SNX14: variants seen among roughly 807,000 people sequenced by gnomAD.
The protein encoded by SNX14 is sorting nexin-14.
In SNX14, 93 loss-of-function variants were observed where a neutral mutation model predicts 133.8. The observed-to-expected ratio is 0.70, with a 90% CI of 0.59 to 0.83. The LOEUF (loss-of-function observed/expected upper bound fraction) is 0.83, where lower values mean the gene tolerates loss of function less well. Ranked by LOEUF, SNX14 falls within the 40% of genes least tolerant of loss-of-function variation. The pLI is 0.00. For synonymous variants in SNX14, 368 were observed against 365.6 expected (o/e 1.01, Z -0.07); for missense variants, 945 against 1,094.9 (o/e 0.86, Z 1.93).
At chr6:85,520,957 A>C (rs1776671109) in intron 21 of SNX14, among the ~76,000 whole-genome samples, 2 of 152,224 alleles carry the variant, frequency 1.3e-5, no homozygotes, top group Non-Finnish European at 2.9e-5. Flanking sequence ...TCTCCAAAGT[A>C]TATATCTGAG....
chr6:85,586,895 A>C (rs984964125), intron 1 of SNX14, among the ~76,000 whole-genome samples: 1 of 152,092 alleles, frequency 6.6e-6, no homozygotes, highest in African/African-American at 2.4e-5. Flanking sequence ...AAAACACAAA[A>C]ATTAGCCAGG....
chr6:85,543,193 G>T lies in SNX14; in HGVS notation c.1378C>A (p.His460Asn). 1.3e-6 allele frequency: 2 copies of T among 1,551,480 alleles called. No individual in the cohort carries two copies. The highest frequency in any genetic ancestry group is 1.7e-6 in the Non-Finnish European group (2 of 1,154,296). Residue 460 changes from histidine (H) to asparagine (N), a missense_variant, in exon 14 of 29, where the codon CAT becomes AAT. This residue lies in a region of SNX14 where 514 missense variants were observed against 538.8 expected (regional missense o/e 0.95). Coordinates refer to ENST00000314673, the MANE Select transcript of SNX14 (RefSeq NM_153816.6). ...LENVFTPMFC[H>N]SDEYFRQLLR... is the part of the protein sequence containing the mutation. Reference sequence around the variant, plus strand: ...ATATTTTGACTTACCTCATCACTATGGCAGAACATAGGAGTAAATACATTC... The same window carrying T: ...ATATTTTGACTTACCTCATCACTATTGCAGAACATAGGAGTAAATACATTC...
chr6:85,514,997 G>T (rs983487526), intron 23 of SNX14, among the ~76,000 whole-genome samples: 1 of 152,076 alleles, frequency 6.6e-6, no homozygotes, highest in Non-Finnish European at 1.5e-5. Flanking sequence ...AGGCGCAGTG[G>T]CTCACGCCTG....
intron 6 of SNX14, among the ~76,000 whole-genome samples, chr6:85,561,056 G>A (rs1377849321): frequency 7.1e-6 from 1 of 140,830 alleles, no homozygotes; most frequent in Non-Finnish European, 1.5e-5. Flanking sequence ...AAAAAAGGCT[G>A]GGCACGGTGG....
intron 16 of SNX14, 124 bp downstream of exon 16, chr6:85,538,714 T>C (rs934640164): frequency 4.3e-6 from 3 of 690,038 alleles, no homozygotes; most frequent in African/African-American, 3.8e-5. Context: ...CCTAAATAAC[T>C]AGGATATAAT....
At chr6:85,541,244 C>T (rs568124240) in intron 15 of SNX14, among the ~76,000 whole-genome samples, 1 of 152,168 alleles carries the variant, frequency 6.6e-6, no homozygotes, top group African/African-American at 2.4e-5. Context: ...CCCCACGTCT[C>T]GGCCTCACAA....
At chr6:85,556,683 C>T (rs1005205174) in intron 7 of SNX14, among the ~76,000 whole-genome samples, 2 of 151,930 alleles carry the variant, frequency 1.3e-5, no homozygotes, top group African/African-American at 2.4e-5. Flanking sequence ...GAACTCCTGA[C>T]CTCAAGTGAG....
rs564665732 is a variant in SNX14 at position 85,587,659 on chromosome 6, G to A, written c.140+5920C>T. Among the ~76,000 whole-genome samples, 13 of 151,546 alleles carry A rather than the reference G, an allele frequency of 8.6e-5. No individual in the cohort carries two copies. In the South Asian group the frequency reaches 2.1e-3, roughly 24 times the overall value. On this transcript the variant is annotated intron_variant, in intron 1 of 28. Transcript: ENST00000314673. ...TACTTGTTTGGAGAGACGGGGTTCC[G>A]CCATGTTGCCCAGGCTGGTCTCGAA...
At chr6:85,531,568 A>AT (rs1313138095) in intron 18 of SNX14, among the ~76,000 whole-genome samples, 2 of 152,194 alleles carry the variant, frequency 1.3e-5, no homozygotes, top group Non-Finnish European at 2.9e-5. Flanking sequence ...GATCCATAGC[A>AT]TATTTAGGCT....
In SNX14 at chr6:85,593,779, C is replaced by A. The variant is rs1158273561; in HGVS notation, c.-61G>T. ...TGAGGCAGAGGTCAAGGCGACCCCC[C>A]ATCCACACCTCGCGTCCCCGCCCCA... On this transcript the variant is annotated 5_prime_UTR_variant, in exon 1 of 29. An upstream start codon of the reference 5' UTR is lost. Transcript: ENST00000314673. 4.4e-6 allele frequency: 7 copies of A among 1,579,526 alleles called. No homozygotes were observed. The East Asian group carries it at 1.4e-4, about 32-fold the overall frequency.
chr6:85,538,944 CACAAA>C (rs1426641788), intron 15 of SNX14, 80 bp from the exon 16 acceptor site: 1 of 1,272,020 alleles, frequency 7.9e-7, no homozygotes, highest in Non-Finnish European at 1.1e-6. Context: ...CATTTTAGAA[CACAAA>C]ACAAAATTTA....
At chr6:85,527,576 A>C (rs191084341) in intron 20 of SNX14, among the ~76,000 whole-genome samples, 238 of 152,222 alleles carry the variant, frequency 1.6e-3, no homozygotes, top group African/African-American at 5.1e-3. Flanking sequence ...TGCCCAAATA[A>C]AGTATTTTTT....
intron 15 of SNX14, among the ~76,000 whole-genome samples, chr6:85,539,583 G>T (rs1455838633): frequency 6.6e-6 from 1 of 152,116 alleles, no homozygotes; most frequent in Non-Finnish European, 1.5e-5. Context: ...TTTAAGTCAT[G>T]TAATAGCAAA....
intron 21 of SNX14, among the ~76,000 whole-genome samples, chr6:85,525,564 T>G (rs1438192172): frequency 6.6e-6 from 1 of 152,176 alleles, no homozygotes; most frequent in African/African-American, 2.4e-5. Flanking sequence ...AATGACAGAT[T>G]AATTCAAGTT....
intron 12 of SNX14, among the ~76,000 whole-genome samples, chr6:85,545,729 G>C (rs1785254541): frequency 6.6e-6 from 1 of 152,216 alleles, no homozygotes; most frequent in South Asian, 2.1e-4. Flanking sequence ...TGTCACCCAG[G>C]CTGGAGTGCA....
chr6:85,589,619 G>A (rs1438650598), intron 1 of SNX14: 1 of 152,234 alleles, frequency 6.6e-6, no homozygotes, highest in Non-Finnish European at 1.5e-5. Context: ...CTGGTGTGAT[G>A]TCTACTGGCT....
chr6:85,518,627 T>TA (rs1297810974), intron 21 of SNX14, among the ~76,000 whole-genome samples: 2 of 152,172 alleles, frequency 1.3e-5, no homozygotes, highest in Non-Finnish European at 2.9e-5. Context: ...AGAAATGACT[T>TA]AAAAATCAAT....
At position 85,574,307 on chromosome 6, in the gene SNX14, G is replaced by C. The variant is rs1325909546; in HGVS notation, c.212C>G (p.Pro71Arg). The change falls in exon 2 of 29, where the codon CCT becomes CGT. Residue 71 changes from proline to arginine, a missense_variant. Pro to Arg is a moderately radical substitution (Grantham distance 103). This residue lies in a region of SNX14 where 514 missense variants were observed against 538.8 expected (regional missense o/e 0.95). Coordinates refer to ENST00000314673, the MANE Select transcript of SNX14 (RefSeq NM_153816.6). The stretch of plus-strand genomic sequence containing the variant: ...GAATATATTTGGTAAGAGAGAATCA[G>C]GTCCTAGTGAGCAGTAGAATGTGAC... ...GVVTFYCSLG[P>R]DSLLPNIFFT... The C allele has an allele frequency of 6.3e-7, 1 of 1,596,092 alleles. No individual in the cohort carries two copies. Among genetic ancestry groups the C allele is most frequent in the Admixed American group, 1.7e-5 (1 of 59,630 alleles).
At chr6:85,577,296 T>G (rs548982037) in intron 1 of SNX14, among the ~76,000 whole-genome samples, 1 of 152,192 alleles carries the variant, frequency 6.6e-6, no homozygotes, top group African/African-American at 2.4e-5. Context: ...CGCATGCCTG[T>G]AATCCCAGCT....
Sources: allele counts gnomAD v4.1 joint callset (sites outside exome capture counted in the v4.1 genomes callset), GRCh38; gene constraint gnomAD v4.1.1; regional missense constraint gnomAD v4.1.1; transcripts MANE v1.5; gene names NCBI Gene and HGNC (gene_info 2026-07-23, HGNC 2026-07-21).